MEGF11: variants seen among roughly 807,000 people sequenced by gnomAD.
The protein encoded by MEGF11 is multiple epidermal growth factor-like domains protein 11.
Under a neutral mutation model 146.6 loss-of-function variants are expected in MEGF11, and 126 were observed. That is an observed-to-expected ratio of 0.86 (90% CI 0.74 to 1.00). The LOEUF (loss-of-function observed/expected upper bound fraction) is 1.00, where lower values mean the gene tolerates loss of function less well. Ranked by LOEUF, MEGF11 falls within the 50% of genes least tolerant of loss-of-function variation. The pLI, the probability that MEGF11 is intolerant of heterozygous loss-of-function variation, is 0.00. For missense variants in MEGF11, 1,509 were observed against 1,521.2 expected, an observed-to-expected ratio of 0.99 and a Z score of 0.13; for synonymous variants, 532 against 583.4, an observed-to-expected ratio of 0.91 and a Z score of 1.27.
intron 9 of MEGF11, among the ~76,000 whole-genome samples, chr15:65,963,603 G>C (rs1031295338): frequency 3.3e-5 from 5 of 152,228 alleles, no homozygotes; most frequent in Admixed American, 2.6e-4. Flanking sequence ...AAATACGGTA[G>C]AAGGTGCTCG....
At chr15:66,001,316 A>T (rs28534007) in intron 5 of MEGF11, among the ~76,000 whole-genome samples, 3,274 of 152,200 alleles carry the variant, frequency 0.022, 108 homozygotes, top group African/African-American at 0.073. Context: ...TCTGGCTGGT[A>T]TGAGGAAGGG....
At chr15:65,910,940 C>A (rs1433903073) in intron 21 of MEGF11, among the ~76,000 whole-genome samples, 1 of 152,216 alleles carries the variant, frequency 6.6e-6, no homozygotes, top group Non-Finnish European at 1.5e-5. Flanking sequence ...AGGTATGCAG[C>A]ATGAGCCTCT....
At position 65,895,511 on chromosome 15, in the gene MEGF11, A is replaced by G. The variant is rs1193197161; in HGVS notation, c.*2423T>C. ...GAAAAATAATTGAACAGATCTTTCA[A>G]AGTCACCCATAAAATGCACAGTATA... On this transcript the variant is annotated 3_prime_UTR_variant, in exon 26 of 26. Coordinates refer to ENST00000395614, the MANE Select transcript of MEGF11 (RefSeq NM_001385028.1). 1 of 152,648 alleles carries G rather than the reference A, an allele frequency of 6.6e-6. No homozygotes were observed. The highest frequency in any genetic ancestry group is 1.5e-5 in the Non-Finnish European group (1 of 68,034). 9.5% of individuals were successfully genotyped at this position (152,648 alleles called of 1,614,324 possible).
intron 3 of MEGF11, among the ~76,000 whole-genome samples, chr15:66,120,633 T>C (rs1361728176): frequency 6.6e-6 from 1 of 152,186 alleles, no homozygotes; most frequent in Non-Finnish European, 1.5e-5. Context: ...TCTGTGATAT[T>C]TGGGAATGTC....
At chr15:66,114,627 A>C (rs1010728510) in intron 4 of MEGF11, among the ~76,000 whole-genome samples, 1 of 152,066 alleles carries the variant, frequency 6.6e-6, no homozygotes, top group Non-Finnish European at 1.5e-5. Flanking sequence ...GTCCTGAAAG[A>C]AGGAAGAAAG....
At chr15:66,119,712 TC>T (rs1235163043) in intron 3 of MEGF11, among the ~76,000 whole-genome samples, 1 of 151,546 alleles carries the variant, frequency 6.6e-6, no homozygotes, top group Non-Finnish European at 1.5e-5. Flanking sequence ...TAGATTAATC[TC>T]CCCCACACCA....
At chr15:66,128,595 A>G (rs2088497759) in intron 1 of MEGF11, among the ~76,000 whole-genome samples, 184 bp from the exon 2 acceptor site, 1 of 152,176 alleles carries the variant, frequency 6.6e-6, no homozygotes. Flanking sequence ...GAAAAAGTCC[A>G]AATTCTAGGC....
At chr15:66,231,249 G>A (rs948323763) in intron 1 of MEGF11, among the ~76,000 whole-genome samples, 2 of 151,816 alleles carry the variant, frequency 1.3e-5, no homozygotes, top group Non-Finnish European at 2.9e-5. Flanking sequence ...CCCAAGGCAG[G>A]ACTTTCCAGA....
intron 10 of MEGF11, among the ~76,000 whole-genome samples, chr15:65,939,918 G>T (rs562938550): frequency 6.6e-6 from 1 of 152,306 alleles, no homozygotes; most frequent in South Asian, 2.1e-4. Context: ...TTACTTGATT[G>T]CAAGTTCCAT....
chr15:65,997,582 C>T (rs1037232292), intron 5 of MEGF11, among the ~76,000 whole-genome samples: 3 of 152,156 alleles, frequency 2.0e-5, no homozygotes, highest in Non-Finnish European at 2.9e-5. Context: ...CTATCTAATA[C>T]GATGTAACCA....
At chr15:66,186,311 G>T (rs528396991) in intron 1 of MEGF11, among the ~76,000 whole-genome samples, 1 of 152,240 alleles carries the variant, frequency 6.6e-6, no homozygotes, top group South Asian at 2.1e-4. Context: ...TTGGAGCTGG[G>T]CAGCCAGCAG....
In MEGF11 at chr15:66,190,695, G is replaced by A. The variant is rs577085733; in HGVS notation, c.-8-62284C>T. On this transcript the variant is annotated intron_variant, in intron 1 of 25. Transcript: ENST00000395614. ...GACAGCCTTCACCCCACTGAATCTCGGGACACACATGCCCTCCCTGGCGCC... is the reference window on the plus strand; with the variant it reads ...GACAGCCTTCACCCCACTGAATCTCAGGACACACATGCCCTCCCTGGCGCC... Among the ~76,000 whole-genome samples the A allele has an allele frequency of 6.0e-4, 91 of 151,934 alleles. 1 individual carries two copies. The highest frequency in any genetic ancestry group is 1.0e-3 in the Non-Finnish European group (71 of 67,946).
At chr15:65,986,792 C>CTTTT (rs1491353062) in intron 5 of MEGF11, among the ~76,000 whole-genome samples, 2,032 of 133,718 alleles carry the variant, frequency 0.015, 59 homozygotes, top group African/African-American at 0.051. Context: ...GCTGATTTTT[C>CTTTT]CTTTTTTTTT....
chr15:66,187,352 T>A (rs1012446893), intron 1 of MEGF11, among the ~76,000 whole-genome samples: 3 of 152,184 alleles, frequency 2.0e-5, no homozygotes, highest in Non-Finnish European at 4.4e-5. Flanking sequence ...ATACCTGTCA[T>A]GTTCTTCCAC....
intron 14 of MEGF11, 51 bp downstream of exon 14, chr15:65,922,772 C>A: frequency 6.2e-7 from 1 of 1,601,528 alleles, no homozygotes. Context: ...CTGGAGAGGG[C>A]TAGGGAGGAT....
chr15:66,077,875 T>A (rs1431219324), intron 5 of MEGF11, among the ~76,000 whole-genome samples: 1 of 151,870 alleles, frequency 6.6e-6, no homozygotes. Context: ...AGGGTGGGAA[T>A]GATGGGAGGG....
At chr15:66,094,544 C>A in intron 4 of MEGF11, 50 bp from the exon 5 acceptor site, 1 of 1,470,484 alleles carries the variant, frequency 6.8e-7, no homozygotes, top group Non-Finnish European at 9.3e-7. Context: ...ACAGTGAAAA[C>A]CAACCATCTG....
At chr15:66,083,641 A>G (rs1028833326) in intron 5 of MEGF11, among the ~76,000 whole-genome samples, 11 of 152,306 alleles carry the variant, frequency 7.2e-5, no homozygotes, top group African/African-American at 2.6e-4. Context: ...TCATAAAAAA[A>G]AAAAACTTTT....
chr15:66,036,978 G>A (rs1435935901), intron 5 of MEGF11, among the ~76,000 whole-genome samples: 1 of 152,216 alleles, frequency 6.6e-6, no homozygotes, highest in Non-Finnish European at 1.5e-5. Flanking sequence ...GGGAAGTGCA[G>A]AGGCAAAGGC....
Sources: allele counts gnomAD v4.1 joint callset (sites outside exome capture counted in the v4.1 genomes callset), GRCh38; gene constraint gnomAD v4.1.1; transcripts MANE v1.5; gene names NCBI Gene and HGNC (gene_info 2026-07-23, HGNC 2026-07-21).